Variants in ARHGEF11 observed in about 807,000 individuals in gnomAD.
ARHGEF11 encodes the protein Rho guanine nucleotide exchange factor 11.
A neutral mutation model predicts 193.7 loss-of-function variants in ARHGEF11; 55 were observed. That is an observed-to-expected ratio of 0.28 (90% CI 0.23 to 0.36). The LOEUF (loss-of-function observed/expected upper bound fraction) is 0.36, where lower values mean the gene tolerates loss of function less well. Ranked by LOEUF, ARHGEF11 falls within the 10% of genes least tolerant of loss-of-function variation. The probability of loss-of-function intolerance (pLI) is 1.00; values close to 1 mark genes in which losing one functional copy is unlikely to be tolerated. For synonymous variants in ARHGEF11, 693 were observed against 768.0 expected (o/e 0.90, Z 1.62); for missense variants, 1,723 against 2,005.6 (o/e 0.86, Z 2.69).
At chr1:157,006,925 C>A (rs1199482258) in intron 1 of ARHGEF11, among the ~76,000 whole-genome samples, 1 of 152,176 alleles carries the variant, frequency 6.6e-6, no homozygotes, top group African/African-American at 2.4e-5. Context: ...TCCTGCAGGG[C>A]CAGGCTGGCT....
At chr1:156,980,387 C>A (rs1182824362) in intron 4 of ARHGEF11, 50 bp downstream of exon 4, 6 of 1,578,622 alleles carry the variant, frequency 3.8e-6, no homozygotes, top group Non-Finnish European at 5.2e-6. Context: ...GAGTGCCCTG[C>A]ACATCTATTT....
intron 1 of ARHGEF11, among the ~76,000 whole-genome samples, chr1:157,034,896 G>T (rs1436937448): frequency 3.3e-5 from 5 of 152,210 alleles, no homozygotes; most frequent in Non-Finnish European, 7.3e-5. Flanking sequence ...AAGGTGTAGG[G>T]TTTGGTGATA....
chr1:157,003,977 G>A (rs746040576), intron 1 of ARHGEF11, among the ~76,000 whole-genome samples: 1 of 152,140 alleles, frequency 6.6e-6, no homozygotes, highest in Non-Finnish European at 1.5e-5. Flanking sequence ...GGAAAAGGGG[G>A]GCTTAAGTTG....
chr1:157,039,390 G>A (rs1672457401), intron 1 of ARHGEF11, among the ~76,000 whole-genome samples: 1 of 152,222 alleles, frequency 6.6e-6, no homozygotes, highest in African/African-American at 2.4e-5. Flanking sequence ...CATTCACCCA[G>A]CTGCTAACAA....
At chr1:157,012,664 A>C (rs1032662576) in intron 1 of ARHGEF11, among the ~76,000 whole-genome samples, 3 of 152,200 alleles carry the variant, frequency 2.0e-5, no homozygotes, top group African/African-American at 7.2e-5. Context: ...CCATATATCC[A>C]AAGTAAGTAG....
intron 1 of ARHGEF11, among the ~76,000 whole-genome samples, chr1:157,003,146 T>G (rs1404468186): frequency 6.6e-6 from 1 of 152,234 alleles, no homozygotes; most frequent in Non-Finnish European, 1.5e-5. Context: ...ACTATTAATG[T>G]TGCCATTTTA....
intron 1 of ARHGEF11, 56 bp from the exon 2 acceptor site, chr1:156,986,229 G>T (rs1053037623): frequency 9.2e-5 from 133 of 1,447,920 alleles, no homozygotes; most frequent in Non-Finnish European, 1.2e-4. Flanking sequence ...GATCAGCCTT[G>T]TAGTAGATGG....
chr1:156,969,240 C>G, intron 10 of ARHGEF11, 42 bp downstream of exon 10: 7 of 1,537,138 alleles, frequency 4.6e-6, no homozygotes, highest in South Asian at 1.2e-5. Context: ...GAAGGGACCC[C>G]GAATGCACGT....
At chr1:156,963,497 G>C (rs777747231) in intron 12 of ARHGEF11, 23 bp downstream of exon 12, 12 of 1,607,930 alleles carry the variant, frequency 7.5e-6, no homozygotes, top group Non-Finnish European at 1.0e-5. Flanking sequence ...AATGATGAAA[G>C]GAGAAAACTA....
intron 2 of ARHGEF11, among the ~76,000 whole-genome samples, chr1:156,985,299 C>A (rs943640052): frequency 2.0e-5 from 3 of 152,110 alleles, no homozygotes; most frequent in Admixed American, 2.0e-4. Context: ...TGTTGATGTA[C>A]GGAGGCAATT....
rs754107319 is a variant in ARHGEF11 at position 156,934,846 on chromosome 1, A to G, written c.*1154T>C. On this transcript the variant is annotated 3_prime_UTR_variant, in exon 41 of 41. Coordinates refer to ENST00000368194, the MANE Select transcript of ARHGEF11 (RefSeq NM_198236.3). ...GAAACACACACACCACCACTGAAGG[A>G]TATTTAACTTTTCTTAAAAAAAAAA... 2.4e-4 allele frequency: 37 copies of G among 151,570 alleles called. No individual in the cohort carries two copies. The highest frequency in any genetic ancestry group is 5.2e-4 in the Non-Finnish European group (35 of 67,928). 9.4% of individuals were successfully genotyped at this position (151,570 alleles called of 1,614,324 possible).
intron 38 of ARHGEF11, among the ~76,000 whole-genome samples, chr1:156,937,751 G>T (rs1655795535): frequency 6.6e-6 from 1 of 152,186 alleles, no homozygotes. Context: ...AGGGAGAAGT[G>T]GCAGAGCTGC....
rs144267371 is a variant in ARHGEF11, at chr1:156,968,104, C to G, written c.846G>C (p.Ser282=). Residue 282 remains serine, a synonymous_variant, in exon 11 of 41, where the codon TCG becomes TCC. Coordinates refer to ENST00000368194, the MANE Select transcript of ARHGEF11 (RefSeq NM_198236.3). ...TGTCTAGCCCAGGGTCTGACAGTAC[C>G]GAGTTCCGATTCATCAATGACTAGA... is the stretch of plus-strand genomic sequence containing the variant. The part of the protein sequence containing the change: ...SLSESLMNRN[S]VLSDPGLDSP... The G allele has an allele frequency of 1.9e-6, 3 of 1,611,136 alleles. No homozygotes were observed. The highest frequency in any genetic ancestry group is 4.5e-5 in the East Asian group (2 of 44,792).
intron 1 of ARHGEF11, among the ~76,000 whole-genome samples, chr1:156,990,849 A>T (rs1037804311): frequency 2.0e-5 from 3 of 152,126 alleles, no homozygotes; most frequent in Non-Finnish European, 2.9e-5. Flanking sequence ...TACTTCCCCT[A>T]TGCCAGACCT....
chr1:156,943,874 C>A, intron 32 of ARHGEF11, 61 bp downstream of exon 32: 2 of 1,558,356 alleles, frequency 1.3e-6, no homozygotes, highest in Admixed American at 1.8e-5. Context: ...CCTGCCTCAC[C>A]CAGCACTTGC....
At chr1:157,024,534 G>A (rs1670415101) in intron 1 of ARHGEF11, among the ~76,000 whole-genome samples, 1 of 152,158 alleles carries the variant, frequency 6.6e-6, no homozygotes, top group Non-Finnish European at 1.5e-5. Flanking sequence ...AGTCATGAAG[G>A]TTAGATGAAG....
chr1:156,986,513 G>T (rs1417924251), intron 1 of ARHGEF11, among the ~76,000 whole-genome samples: 7 of 152,182 alleles, frequency 4.6e-5, no homozygotes, highest in Admixed American at 3.9e-4. Flanking sequence ...CTGCAATGGG[G>T]CTGATGGAAC....
chr1:156,977,327 T>A (rs1475673705), intron 6 of ARHGEF11, among the ~76,000 whole-genome samples: 2 of 152,202 alleles, frequency 1.3e-5, no homozygotes, highest in African/African-American at 4.8e-5. Context: ...AAAAGTCCTG[T>A]TCCCTATACT....
chr1:156,936,843 G>A lies in ARHGEF11; in HGVS notation c.4603C>T (p.His1535Tyr). The A allele has an allele frequency of 6.2e-7, 1 of 1,614,062 alleles. No homozygotes were observed. Among genetic ancestry groups the A allele is most frequent in the Non-Finnish European group, 8.5e-7 (1 of 1,179,982 alleles). Residue 1535 changes from histidine to tyrosine, a missense_variant, in exon 40 of 41, where the codon CAT (histidine) becomes TAT (tyrosine). By Grantham distance (83) the His-to-Tyr change is moderately conservative. Transcript: ENST00000368194. ...TCCTCAGGGCAGGGCCCCAGTTCAT[G>A]GCTGTTCCTGGAGTCAGAAGCTAGG... ...EPLASDSRNSHELGPCPEDGS... is the reference protein window; with the variant it reads ...EPLASDSRNSYELGPCPEDGS...
Sources: gnomAD v4.1 joint callset for allele counts (sites outside exome capture counted in the v4.1 genomes callset) on GRCh38, gnomAD v4.1.1 for gene constraint, MANE v1.5 for transcripts, NCBI Gene and HGNC (gene_info 2026-07-23, HGNC 2026-07-21) for gene names.